Variants in SPARC observed in about 807,000 individuals in gnomAD.
The protein encoded by SPARC is secreted protein acidic and cysteine rich.
In SPARC, 23 loss-of-function variants were observed where a neutral mutation model predicts 37.7. The observed-to-expected ratio is 0.61, with a 90% CI of 0.44 to 0.87. The LOEUF is 0.87. Among genes scored for constraint, SPARC ranks in the 40% least tolerant of loss-of-function variants. The pLI is 0.00. For missense variants in SPARC, 312 were observed against 389.0 expected (o/e 0.80, Z 1.66); for synonymous variants, 155 against 150.8 (o/e 1.03, Z -0.20).
rs58893289 is a variant in SPARC at position 151,662,298 on chromosome 5, G to C, written c.*1273C>G. The C allele has an allele frequency of 2.9e-3, 356 of 123,038 alleles. No homozygotes were observed. Among genetic ancestry groups the C allele is most frequent in the African/African-American group, 0.012 (346 of 27,748 alleles). The allele number at this position is 123,038 out of a possible 1,614,324, so 7.6% of individuals were successfully genotyped here. A position where few individuals can be genotyped will look rare whatever the true frequency, so the allele number is the denominator to read the frequency against. ...ATAAACATGCCGGTGTGTGTGTACA[G>C]GTGTGTGTGTGCAAAAGCATAATGT... On this transcript the variant is annotated 3_prime_UTR_variant, in exon 10 of 10. Coordinates refer to ENST00000231061, the MANE Select transcript of SPARC (RefSeq NM_003118.4).
At chr5:151,683,237 C>A (rs1761039331) in intron 1 of SPARC, among the ~76,000 whole-genome samples, 4 of 152,248 alleles carry the variant, frequency 2.6e-5, no homozygotes, top group Admixed American at 2.6e-4. Context: ...AAGGGAGCAG[C>A]CGCCTACAGG....
chr5:151,674,706 G>T (rs1434769276), intron 2 of SPARC, 32 bp from the exon 3 acceptor site: 1 of 1,610,952 alleles, frequency 6.2e-7, no homozygotes. Flanking sequence ...GTTCAGAGGG[G>T]TCAGGAATAA....
Position 151,676,202 on chromosome 5 carries a change from C to A in SPARC, c.-13-1G>T. On this transcript the variant is annotated splice_acceptor_variant, in intron 1 of 9. Coordinates refer to ENST00000231061, the MANE Select transcript of SPARC (RefSeq NM_003118.4). LOFTEE classifies it low-confidence loss of function (5UTR_SPLICE). The stretch of plus-strand genomic sequence containing the variant: ...CCAGGCCCTCATGGTGCTGGGAACC[C>A]TATGGGGAGGAGAGATTGAGAGTTC... 6.2e-7 allele frequency: 1 copy of A among 1,608,214 alleles called. No homozygotes were observed. Among genetic ancestry groups the A allele is most frequent in the Non-Finnish European group, 8.5e-7 (1 of 1,177,504 alleles).
chr5:151,673,263 C>T (rs780747217), intron 3 of SPARC, 47 bp from the exon 4 acceptor site: 6 of 1,320,072 alleles, frequency 4.5e-6, no homozygotes, highest in Non-Finnish European at 6.6e-6. Flanking sequence ...ACTCCCATCC[C>T]AGACCCATAA....
At chr5:151,684,514 A>G (rs1294723679) in intron 1 of SPARC, among the ~76,000 whole-genome samples, 1 of 151,442 alleles carries the variant, frequency 6.6e-6, no homozygotes, top group Non-Finnish European at 1.5e-5. Flanking sequence ...CAAAATGAAG[A>G]TAAACAATAT....
intron 1 of SPARC, chr5:151,685,178 C>T (rs1219397864): frequency 2.0e-5 from 3 of 152,100 alleles, no homozygotes; most frequent in Non-Finnish European, 4.4e-5. Context: ...CCCCCTTCTT[C>T]TCCTCCCTCC....
chr5:151,684,393 A>C (rs1342985864), intron 1 of SPARC, among the ~76,000 whole-genome samples: 1 of 150,232 alleles, frequency 6.7e-6, no homozygotes, highest in Non-Finnish European at 1.5e-5. Context: ...TCCCAATGTC[A>C]GGCACTGGGA....
At position 151,672,905 on chromosome 5, in the gene SPARC, T is replaced by C. The variant is rs1257713755; in HGVS notation, c.208+224A>G. ...TTTCCAGCTGGAGAACTCTCCTTCC[T>C]ACCACACACATGGATGGCCTGGAAA... On this transcript the variant is annotated intron_variant, in intron 4 of 9. Transcript: ENST00000231061. 9.3e-5 allele frequency: 51 copies of C among 550,838 alleles called. No individual in the cohort carries two copies. The Admixed American group carries it at 1.6e-3, about 17-fold the overall frequency. 34.1% of individuals were successfully genotyped at this position (550,838 alleles called of 1,614,324 possible).
intron 9 of SPARC, 105 bp from the exon 10 acceptor site, chr5:151,663,704 A>G: frequency 8.8e-7 from 1 of 1,140,860 alleles, no homozygotes; most frequent in Non-Finnish European, 1.3e-6. Context: ...GCAGGGGTCT[A>G]GGTGGCCATG....
At chr5:151,681,961 C>T (rs1761003844) in intron 1 of SPARC, among the ~76,000 whole-genome samples, 1 of 152,156 alleles carries the variant, frequency 6.6e-6, no homozygotes, top group Non-Finnish European at 1.5e-5. Flanking sequence ...GTCCTACACA[C>T]AGGGACATTC....
intron 1 of SPARC, among the ~76,000 whole-genome samples, chr5:151,678,656 G>A (rs1030335264): frequency 2.6e-5 from 4 of 152,174 alleles, no homozygotes; most frequent in Admixed American, 6.5e-5. Context: ...ATAGGCAAGC[G>A]TTCTCACTCA....
Position 151,674,518 on chromosome 5 carries a change from C to A in SPARC, c.120+94G>T. ...TGTGTACAGGGAGACGAATGCCCCA[C>A]TCTAGCATTGAGACCCACAGCATCC... is the stretch of plus-strand genomic sequence containing the variant. On this transcript the variant is annotated intron_variant, in intron 3 of 9. Coordinates refer to ENST00000231061, the MANE Select transcript of SPARC (RefSeq NM_003118.4). The A allele has an allele frequency of 2.6e-6, 3 of 1,143,558 alleles. No homozygotes were observed. In the East Asian group the frequency reaches 7.0e-5, roughly 27 times the overall value. The allele number at this position is 1,143,558 out of a possible 1,614,324, so 70.8% of individuals were successfully genotyped here.
chr5:151,671,054 GA>G (rs1164808559), intron 5 of SPARC, among the ~76,000 whole-genome samples: 4 of 152,192 alleles, frequency 2.6e-5, no homozygotes, highest in Non-Finnish European at 5.9e-5. Flanking sequence ...GGACATATTT[GA>G]GAGATAATTT....
intron 1 of SPARC, among the ~76,000 whole-genome samples, chr5:151,680,204 A>C (rs370627706): frequency 8.3e-5 from 12 of 144,922 alleles, no homozygotes; most frequent in African/African-American, 2.8e-4. Flanking sequence ...AATAGAGAAT[A>C]GTGGAAAACA....
At chr5:151,676,318 A>T (rs762823483) in intron 1 of SPARC, 117 bp from the exon 2 acceptor site, 41 of 680,964 alleles carry the variant, frequency 6.0e-5, no homozygotes, top group Non-Finnish European at 9.1e-5. Context: ...ATGATAGTGA[A>T]AAACATGAGG....
intron 8 of SPARC, among the ~76,000 whole-genome samples, chr5:151,665,089 C>T (rs1760593109): frequency 6.6e-6 from 1 of 152,290 alleles, no homozygotes; most frequent in East Asian, 1.9e-4. Flanking sequence ...ACATTCTCCT[C>T]CCCTTCATTG....
At chr5:151,671,388 A>G (rs1760745864) in intron 5 of SPARC, among the ~76,000 whole-genome samples, 185 bp downstream of exon 5, 1 of 152,180 alleles carries the variant, frequency 6.6e-6, no homozygotes, top group South Asian at 2.1e-4. Context: ...GGTTGCTGAA[A>G]AGATCCAGTG....
chr5:151,663,751 G>A (rs1203085633), intron 9 of SPARC, 152 bp from the exon 10 acceptor site: 13 of 738,534 alleles, frequency 1.8e-5, no homozygotes, highest in South Asian at 8.3e-5. Flanking sequence ...GAGGAATCTC[G>A]CTCTCTCTGT....
Position 151,674,662 on chromosome 5 carries a change from G to A in SPARC, c.70C>T (p.Leu24=). The A allele has an allele frequency of 6.2e-7, 1 of 1,614,166 alleles. No individual in the cohort carries two copies. Among genetic ancestry groups the A allele is most frequent in the South Asian group, 1.1e-5 (1 of 91,082 alleles). The change falls in exon 3 of 10, where the codon CTG becomes TTG. Residue 24 remains leucine (L), a synonymous_variant. Transcript: ENST00000231061. ...RALAAPQQEA[L]PDETEVVEET... ...TCCACCACCTCTGTCTCATCAGGCA[G>A]GGCTTCTTGCTGCTGTTGGAAAGAG... is the stretch of plus-strand genomic sequence containing the variant.
Sources: allele counts gnomAD v4.1 joint callset (sites outside exome capture counted in the v4.1 genomes callset), GRCh38; gene constraint gnomAD v4.1.1; transcripts MANE v1.5; gene names NCBI Gene and HGNC (gene_info 2026-07-23, HGNC 2026-07-21).